The following CDH13 variants were observed in gnomAD, a reference collection of about 807,000 sequenced individuals.
The protein encoded by CDH13 is cadherin 13.
CDH13 carries 24 observed loss-of-function variants against 63.8 expected under a neutral mutation model. The observed-to-expected ratio is 0.38, with a 90% CI of 0.27 to 0.53. The LOEUF (loss-of-function observed/expected upper bound fraction) is 0.53, where lower values mean the gene tolerates loss of function less well. Among genes scored for constraint, CDH13 ranks in the 20% least tolerant of loss-of-function variants. CDH13 has a pLI of 0.85. For synonymous variants in CDH13, 503 were observed against 355.3 expected, an observed-to-expected ratio of 1.42 and a Z score of -4.67; for missense variants, 1,049 against 903.1, an observed-to-expected ratio of 1.16 and a Z score of -2.07.
chr16:83,065,956 A>C (rs2151532609), intron 3 of CDH13, among the ~76,000 whole-genome samples: 1 of 152,320 alleles, frequency 6.6e-6, no homozygotes, highest in East Asian at 1.9e-4. Context: ...GAAGAATTGC[A>C]GTTTGGATGC....
intron 6 of CDH13, among the ~76,000 whole-genome samples, chr16:83,460,602 T>C (rs1266640814): frequency 6.6e-6 from 1 of 152,030 alleles, no homozygotes; most frequent in African/African-American, 2.4e-5. Flanking sequence ...AAACAGATGA[T>C]TTCATTTATA....
At chr16:83,119,014 G>A (rs11150540) in intron 3 of CDH13, among the ~76,000 whole-genome samples, 52,724 of 151,958 alleles carry the variant, frequency 0.35, 9,758 homozygotes, top group East Asian at 0.5. Flanking sequence ...TTCTATGCCA[G>A]AGTCCTCACT....
chr16:83,566,053 A>G (rs1904277703), intron 7 of CDH13, among the ~76,000 whole-genome samples: 2 of 152,174 alleles, frequency 1.3e-5, no homozygotes, highest in Non-Finnish European at 2.9e-5. Context: ...AGGCTACAGA[A>G]CTGTGTTCAT....
At chr16:82,922,792 A>G (rs924926349) in intron 2 of CDH13, among the ~76,000 whole-genome samples, 4 of 152,174 alleles carry the variant, frequency 2.6e-5, no homozygotes, top group Non-Finnish European at 4.4e-5. Flanking sequence ...GCCACTAGCT[A>G]GTCTGTGCCA....
chr16:83,198,908 G>A (rs2038950163), intron 4 of CDH13, among the ~76,000 whole-genome samples: 1 of 152,158 alleles, frequency 6.6e-6, no homozygotes, highest in African/African-American at 2.4e-5. Context: ...TGTGAAAGTT[G>A]TGAAACTATA....
At chr16:83,088,318 A>T (rs114764220) in intron 3 of CDH13, among the ~76,000 whole-genome samples, 3 of 152,172 alleles carry the variant, frequency 2.0e-5, no homozygotes, top group Admixed American at 1.3e-4. Flanking sequence ...TCACAGAGCT[A>T]TGAGTTTAAA....
chr16:83,006,961 T>C (rs151224349), intron 2 of CDH13, among the ~76,000 whole-genome samples: 1 of 151,998 alleles, frequency 6.6e-6, no homozygotes, highest in African/African-American at 2.4e-5. Context: ...TTCACTCTTA[T>C]TGCCCAGGCT....
chr16:83,161,870 C>G (rs987052989), intron 4 of CDH13, among the ~76,000 whole-genome samples: 2 of 152,186 alleles, frequency 1.3e-5, no homozygotes, highest in Non-Finnish European at 2.9e-5. Context: ...CGTAGTTATT[C>G]AGGGACACTG....
intron 3 of CDH13, among the ~76,000 whole-genome samples, chr16:83,066,055 G>C (rs1441297646): frequency 6.6e-6 from 1 of 152,184 alleles, no homozygotes; most frequent in Admixed American, 6.5e-5. Flanking sequence ...GAGCTGTAAA[G>C]GAAAATACTC....
chr16:83,304,688 C>A (rs536660757), intron 5 of CDH13, among the ~76,000 whole-genome samples: 1 of 152,058 alleles, frequency 6.6e-6, no homozygotes, highest in Non-Finnish European at 1.5e-5. Flanking sequence ...TTGTGTTGTA[C>A]GAGAGAGTGT....
intron 2 of CDH13, chr16:82,858,786 G>C (rs1437655392): frequency 4.8e-6 from 2 of 414,574 alleles, no homozygotes; most frequent in African/African-American, 4.0e-5. Flanking sequence ...CATTTCCCCT[G>C]GGCAGATCCC....
intron 7 of CDH13, among the ~76,000 whole-genome samples, chr16:83,590,847 C>A (rs1477565100): frequency 4.7e-5 from 7 of 149,032 alleles, no homozygotes; most frequent in African/African-American, 1.7e-4. Context: ...CCTTCTGAAT[C>A]ATAAATGCTG....
chr16:83,443,395 C>T (rs1295585081), intron 6 of CDH13, among the ~76,000 whole-genome samples: 1 of 152,146 alleles, frequency 6.6e-6, no homozygotes, highest in Non-Finnish European at 1.5e-5. Flanking sequence ...AGCACATTCT[C>T]AGTGCGTGTT....
chr16:82,986,057 G>T (rs1910896633), intron 2 of CDH13, among the ~76,000 whole-genome samples: 1 of 152,148 alleles, frequency 6.6e-6, no homozygotes, highest in Non-Finnish European at 1.5e-5. Context: ...AAACTACCCT[G>T]TCTCACGTAC....
intron 3 of CDH13, among the ~76,000 whole-genome samples, chr16:83,080,871 G>GGT (rs2033183201): frequency 2.1e-5 from 1 of 46,928 alleles, no homozygotes; most frequent in Non-Finnish European, 3.5e-5. Flanking sequence ...TTGTTTTTGT[G>GGT]TTTTTTTTTT....
intron 4 of CDH13, among the ~76,000 whole-genome samples, chr16:83,173,195 T>C (rs2037994222): frequency 6.6e-6 from 1 of 152,168 alleles, no homozygotes; most frequent in Non-Finnish European, 1.5e-5. Flanking sequence ...TCTCTAGTTA[T>C]AACTTGTTCC....
intron 1 of CDH13, among the ~76,000 whole-genome samples, chr16:82,627,612 C>T (rs1025318150): frequency 1.3e-5 from 2 of 152,058 alleles, no homozygotes; most frequent in South Asian, 2.1e-4. Context: ...CTGGAGAGGC[C>T]GAGCAGGCAC....
At chr16:82,975,508 TA>T (rs1909374987) in intron 2 of CDH13, among the ~76,000 whole-genome samples, 1 of 152,216 alleles carries the variant, frequency 6.6e-6, no homozygotes, top group African/African-American at 2.4e-5. Context: ...TATCTGCTCA[TA>T]GGACTGCCAT....
At chr16:83,614,793 A>T (rs1208880330) in intron 8 of CDH13, among the ~76,000 whole-genome samples, 1 of 152,206 alleles carries the variant, frequency 6.6e-6, no homozygotes, top group African/African-American at 2.4e-5. Context: ...CTGTGGCAGA[A>T]AGCATAATAT....
Sources: allele counts gnomAD v4.1 joint callset (sites outside exome capture counted in the v4.1 genomes callset), GRCh38; gene constraint gnomAD v4.1.1; transcripts MANE v1.5; gene names NCBI Gene and HGNC (gene_info 2026-07-23, HGNC 2026-07-21).